The following ANK2 variants were observed in gnomAD, a reference collection of about 807,000 sequenced individuals.
ANK2 encodes the protein ankyrin 2.
A neutral mutation model predicts 360.5 loss-of-function variants in ANK2; 83 were observed. The observed-to-expected ratio is 0.23, with a 90% CI of 0.19 to 0.28. The LOEUF (loss-of-function observed/expected upper bound fraction) is 0.28. Ranked by LOEUF, ANK2 falls within the 10% of genes least tolerant of loss-of-function variation. ANK2 has a pLI of 1.00. For missense variants in ANK2, 4,201 were observed against 4,795.7 expected, an observed-to-expected ratio of 0.88 and a Z score of 3.66; for synonymous variants, 1,740 against 1,759.5, an observed-to-expected ratio of 0.99 and a Z score of 0.28.
chr4:112,963,863 G>T (rs2035977184), intron 2 of ANK2, among the ~76,000 whole-genome samples: 1 of 151,614 alleles, frequency 6.6e-6, no homozygotes, highest in African/African-American at 2.4e-5. Flanking sequence ...CATACTAAGA[G>T]AATTTATTTC....
intron 1 of ANK2, among the ~76,000 whole-genome samples, chr4:113,126,209 G>A (rs1398254653): frequency 6.6e-6 from 1 of 152,116 alleles, no homozygotes; most frequent in Non-Finnish European, 1.5e-5. Flanking sequence ...TATCATCATT[G>A]TTTAATTAAT....
chr4:112,902,047 C>T (rs562549471), intron 1 of ANK2, among the ~76,000 whole-genome samples: 2 of 152,296 alleles, frequency 1.3e-5, no homozygotes, highest in South Asian at 4.1e-4. Context: ...AGGAGAGTTA[C>T]AGACTCACAG....
At chr4:112,765,683 A>T in the ANK2 span, among the ~76,000 whole-genome samples, 1 of 122,886 alleles carries the variant, frequency 8.1e-6, no homozygotes. Context: ...TCCGTTCAGG[A>T]CTTCTGACAT....
At chr4:113,253,290 T>G (rs1203248217) in intron 10 of ANK2, among the ~76,000 whole-genome samples, 1 of 152,218 alleles carries the variant, frequency 6.6e-6, no homozygotes, top group East Asian at 1.9e-4. Flanking sequence ...CTCTCAGGTC[T>G]CTGAATGTTA....
chr4:112,718,807 T>C, the ANK2 span, among the ~76,000 whole-genome samples: 11 of 151,854 alleles, frequency 7.2e-5, no homozygotes, highest in Non-Finnish European at 1.6e-4. Flanking sequence ...CTGGCTAGTT[T>C]TGTCTTTTTA....
intron 36 of ANK2, among the ~76,000 whole-genome samples, chr4:113,349,688 T>A (rs2095270088): frequency 6.6e-6 from 1 of 152,176 alleles, no homozygotes; most frequent in African/African-American, 2.4e-5. Flanking sequence ...GAAGCCAATT[T>A]TGCCATGTTC....
intron 1 of ANK2, among the ~76,000 whole-genome samples, chr4:113,109,330 G>A (rs1346912732): frequency 2.0e-5 from 3 of 152,080 alleles, no homozygotes; most frequent in African/African-American, 7.2e-5. Context: ...ACACCTGGTT[G>A]TCTTTGACAT....
At chr4:113,237,702 T>G (rs1258546667) in intron 7 of ANK2, 80 bp downstream of exon 7, 5 of 1,254,080 alleles carry the variant, frequency 4.0e-6, no homozygotes, top group Non-Finnish European at 5.9e-6. Flanking sequence ...GCTCACTAAT[T>G]CATACTAATG....
the ANK2 span, among the ~76,000 whole-genome samples, chr4:112,707,326 G>A: frequency 6.6e-6 from 1 of 152,174 alleles, no homozygotes; most frequent in Non-Finnish European, 1.5e-5. Context: ...TGTAAGTAGT[G>A]TTATATTAGG....
chr4:112,717,649 C>T, the ANK2 span, among the ~76,000 whole-genome samples: 1 of 152,162 alleles, frequency 6.6e-6, no homozygotes, highest in African/African-American at 2.4e-5. Context: ...ATTTATACCA[C>T]TGAGCTAAAC....
chr4:112,726,893 A>G, the ANK2 span, among the ~76,000 whole-genome samples: 1 of 151,774 alleles, frequency 6.6e-6, no homozygotes, highest in Non-Finnish European at 1.5e-5. Flanking sequence ...TGCAAAAGTA[A>G]GTTTAAAAGG....
At chr4:113,264,232 T>A (rs921834369) in intron 13 of ANK2, among the ~76,000 whole-genome samples, 3 of 152,258 alleles carry the variant, frequency 2.0e-5, no homozygotes, top group African/African-American at 7.2e-5. Flanking sequence ...ATATTTTATT[T>A]CAGAAGGAAA....
intron 2 of ANK2, among the ~76,000 whole-genome samples, chr4:112,935,056 C>G (rs558801679): frequency 5.9e-5 from 9 of 151,812 alleles, no homozygotes; most frequent in African/African-American, 2.2e-4. Flanking sequence ...CCAGGAGCAC[C>G]AAAGCATTCA....
At chr4:113,134,484 T>C (rs972374782) in intron 1 of ANK2, among the ~76,000 whole-genome samples, 6 of 151,860 alleles carry the variant, frequency 4.0e-5, no homozygotes, top group African/African-American at 1.5e-4. Flanking sequence ...CTTTATACCA[T>C]AGGAAAATTG....
chr4:112,864,330 G>A (rs2069357099), intron 1 of ANK2, among the ~76,000 whole-genome samples: 1 of 152,128 alleles, frequency 6.6e-6, no homozygotes, highest in Admixed American at 6.5e-5. Context: ...TATTTTTTGA[G>A]ACGGAGTCTC....
Position 112,925,209 on chromosome 4 carries a change from A to C in ANK2, c.21+20695A>C, listed in dbSNP as rs533800518. ...GATTTCAAAGGTGACTGTAAATTAC[A>C]GTAGTGAAAATAATCATTATTGAGT... On this transcript the variant is annotated intron_variant, in intron 2 of 30. Transcript: ENST00000503271. 7.9e-5 allele frequency among the ~76,000 whole-genome samples: 12 copies of C among 152,326 alleles called. No homozygotes were observed. In the East Asian group the frequency reaches 1.3e-3, roughly 17 times the overall value.
At chr4:112,846,529 C>T (rs2063347757) in intron 1 of ANK2, among the ~76,000 whole-genome samples, 1 of 152,040 alleles carries the variant, frequency 6.6e-6, no homozygotes, top group Admixed American at 6.6e-5. Context: ...TCCTTCTGCC[C>T]CATTTTATAT....
chr4:113,091,583 C>G (rs554000932), intron 1 of ANK2, among the ~76,000 whole-genome samples: 1 of 152,200 alleles, frequency 6.6e-6, no homozygotes, highest in Admixed American at 6.5e-5. Context: ...TGGATCAGCA[C>G]TACAGAAAAT....
intron 1 of ANK2, among the ~76,000 whole-genome samples, chr4:113,063,644 G>C (rs946308813): frequency 6.6e-6 from 1 of 152,040 alleles, no homozygotes; most frequent in Non-Finnish European, 1.5e-5. Context: ...TACTTAATTT[G>C]AAAAATACTT....
Sources: gnomAD v4.1 joint callset for allele counts (sites outside exome capture counted in the v4.1 genomes callset) on GRCh38, gnomAD v4.1.1 for gene constraint, MANE v1.5 for transcripts, NCBI Gene and HGNC (gene_info 2026-07-23, HGNC 2026-07-21) for gene names.